The following UGT1A6 variants were observed in gnomAD, a reference collection of about 807,000 sequenced individuals.
UGT1A6 encodes the protein UDP glucuronosyltransferase family 1 member A6.
Under a neutral mutation model 44.4 loss-of-function variants are expected in UGT1A6, and 32 were observed. The ratio of observed to expected loss-of-function variants is 0.72; its 90% CI spans 0.54 to 0.97. The LOEUF (loss-of-function observed/expected upper bound fraction) is 0.97, where lower values mean the gene tolerates loss of function less well. UGT1A6 is among the 50% of genes least tolerant of loss of function. UGT1A6 has a pLI of 0.00. For synonymous variants in UGT1A6, 238 were observed against 248.5 expected (o/e 0.96, Z 0.40); for missense variants, 685 against 661.9 (o/e 1.03, Z -0.38).
chr2:233,760,133 A>G, intron 1 of UGT1A6: 6 of 1,369,658 alleles, frequency 4.4e-6, no homozygotes, highest in East Asian at 2.5e-5. Context: ...CACCTTCTTT[A>G]TCTCTGAAAG....
intron 1 of UGT1A6, among the ~76,000 whole-genome samples, chr2:233,765,129 C>T (rs936294408): frequency 1.3e-5 from 2 of 152,146 alleles, no homozygotes; most frequent in African/African-American, 2.4e-5. Flanking sequence ...CAGGTTTTAG[C>T]ACTGAACATC....
chr2:233,712,555 A>G (rs1157620157), intron 1 of UGT1A6, among the ~76,000 whole-genome samples: 1 of 152,212 alleles, frequency 6.6e-6, no homozygotes, highest in Admixed American at 6.5e-5. Context: ...AAGAGTATTA[A>G]GAGTTAGCAA....
intron 1 of UGT1A6, among the ~76,000 whole-genome samples, chr2:233,705,018 C>A (rs1470386636): frequency 6.6e-6 from 1 of 151,992 alleles, no homozygotes. Flanking sequence ...CGCCTGTAAT[C>A]CCAGCTACTC....
At chr2:233,712,869 C>G in intron 1 of UGT1A6, 1 of 1,581,894 alleles carries the variant, frequency 6.3e-7, no homozygotes, top group Non-Finnish European at 8.6e-7. Context: ...GAGGAGGGCA[C>G]TCTGTCTTCA....
intron 1 of UGT1A6, chr2:233,743,836 C>G (rs62191918): frequency 1.5e-6 from 2 of 1,367,146 alleles, no homozygotes; most frequent in South Asian, 1.1e-5. Flanking sequence ...GCCACTTGAG[C>G]GCCAGCTTGC....
intron 1 of UGT1A6, chr2:233,743,549 A>C: frequency 2.2e-6 from 3 of 1,367,168 alleles, no homozygotes; most frequent in Non-Finnish European, 2.9e-6. Flanking sequence ...TGACCCCCCC[A>C]AAATATTCTC....
intron 4 of UGT1A6, 140 bp downstream of exon 4, chr2:233,768,579 C>CT: frequency 4.3e-6 from 4 of 934,844 alleles, no homozygotes; most frequent in Admixed American, 8.5e-5. Context: ...ATTTTTATTT[C>CT]TTCTTTTTTT....
rs189112981 is a variant in UGT1A6, at chr2:233,747,187, A to C, written c.862-19847A>C. 2.8e-4 allele frequency: 449 copies of C among 1,603,370 alleles called. 14 individuals carry two copies. The African/African-American group carries it at 5.5e-3, about 19-fold the overall frequency. On this transcript the variant is annotated intron_variant, in intron 1 of 4. Coordinates refer to ENST00000305139, the MANE Select transcript of UGT1A6 (RefSeq NM_001072.4). ...GTAGGAGGCACAGCGTGGGGTGGACAGTCAGCTGTCCGTGTCTTCTGCTGA... is the reference window on the plus strand; with the variant it reads ...GTAGGAGGCACAGCGTGGGGTGGACCGTCAGCTGTCCGTGTCTTCTGCTGA...
chr2:233,752,549 C>G (rs1323378417), intron 1 of UGT1A6: 4 of 152,146 alleles, frequency 2.6e-5, no homozygotes, highest in Admixed American at 2.0e-4. Context: ...AATGCTCTTG[C>G]TGGGACAACA....
chr2:233,762,997 ATCATT>A (rs1212266483), intron 1 of UGT1A6, among the ~76,000 whole-genome samples: 2 of 152,206 alleles, frequency 1.3e-5, no homozygotes, highest in African/African-American at 4.8e-5. Context: ...GAAATTGATT[ATCATT>A]TCATTATTTT....
intron 1 of UGT1A6, among the ~76,000 whole-genome samples, chr2:233,700,925 G>A (rs2075599676): frequency 6.6e-6 from 1 of 151,226 alleles, no homozygotes; most frequent in Admixed American, 6.6e-5. Context: ...TCCTGTGTCT[G>A]TGTGTGATTG....
intron 1 of UGT1A6, among the ~76,000 whole-genome samples, chr2:233,733,657 G>A (rs1194673085): frequency 2.0e-5 from 3 of 152,158 alleles, no homozygotes; most frequent in South Asian, 2.1e-4. Context: ...GGATGAAGCC[G>A]ACTTGATCGA....
chr2:233,760,386 C>A, intron 1 of UGT1A6: 1 of 1,614,180 alleles, frequency 6.2e-7, no homozygotes. Flanking sequence ...TACTGTTGAT[C>A]CCAGTGGATG....
At chr2:233,767,675 C>G (rs1273555402) in intron 2 of UGT1A6, among the ~76,000 whole-genome samples, 174 bp from the exon 3 acceptor site, 1 of 152,180 alleles carries the variant, frequency 6.6e-6, no homozygotes, top group Non-Finnish European at 1.5e-5. Context: ...ACTAAACCTC[C>G]AAAACAAGAT....
At chr2:233,747,331 C>T in intron 1 of UGT1A6, 1 of 1,603,324 alleles carries the variant, frequency 6.2e-7, no homozygotes. Flanking sequence ...TGATGGCAGC[C>T]ACTGGCTCGC....
At position 233,693,778 on chromosome 2, in the gene UGT1A6, C is replaced by G; in HGVS notation, c.774C>G (p.Asp258Glu). 6.2e-7 allele frequency: 1 copy of G among 1,614,186 alleles called. No individual in the cohort carries two copies. The highest frequency in any genetic ancestry group is 8.5e-7 in the Non-Finnish European group (1 of 1,180,024). Residue 258 changes from aspartate (D) to glutamate (E), a missense_variant, in exon 1 of 5, where the codon GAC becomes GAG. By Grantham distance (45) the Asp-to-Glu change is conservative (BLOSUM62 2). Coordinates refer to ENST00000305139, the MANE Select transcript of UGT1A6 (RefSeq NM_001072.4). Reference sequence around the variant, plus strand: ...TCTCTGTTTGGCTGTTAAGATATGACTTTGTGCTTGAATATCCTAGGCCGG... The same window carrying G: ...TCTCTGTTTGGCTGTTAAGATATGAGTTTGTGCTTGAATATCCTAGGCCGG... Reference protein sequence around the residue: ...QKVSVWLLRYDFVLEYPRPVM... With the variant: ...QKVSVWLLRYEFVLEYPRPVM...
intron 1 of UGT1A6, among the ~76,000 whole-genome samples, chr2:233,728,669 T>C (rs1349775872): frequency 3.9e-5 from 6 of 152,276 alleles, no homozygotes; most frequent in Admixed American, 3.9e-4. Context: ...GCGTTACTCA[T>C]ACATGAGAAG....
chr2:233,729,225 G>T, intron 1 of UGT1A6: 1 of 1,614,158 alleles, frequency 6.2e-7, no homozygotes, highest in South Asian at 1.1e-5. Context: ...AGGTGTTGGT[G>T]GTGCCCATTG....
At chr2:233,744,499 T>C (rs751170063) in intron 1 of UGT1A6, among the ~76,000 whole-genome samples, 33 of 151,936 alleles carry the variant, frequency 2.2e-4, no homozygotes, top group Non-Finnish European at 4.0e-4. Context: ...TTAGTAAGAA[T>C]AAACCCATGA....
Sources: gnomAD v4.1 joint callset for allele counts (sites outside exome capture counted in the v4.1 genomes callset) on GRCh38, gnomAD v4.1.1 for gene constraint, MANE v1.5 for transcripts, NCBI Gene and HGNC (gene_info 2026-07-23, HGNC 2026-07-21) for gene names.